The following NAV3 variants were observed in gnomAD, a reference collection of about 807,000 sequenced individuals.
The protein encoded by NAV3 is neuron navigator 3, also known as pore membrane and/or filament interacting like protein 1.
A neutral mutation model predicts 244.7 loss-of-function variants in NAV3; 87 were observed. That is an observed-to-expected ratio of 0.36 (90% CI 0.30 to 0.42). The LOEUF is 0.42. Ranked by LOEUF, NAV3 falls within the 20% of genes least tolerant of loss-of-function variation. NAV3 has a pLI of 1.00. For missense variants in NAV3, 2,663 were observed against 2,893.3 expected (o/e 0.92, Z 1.83); for synonymous variants, 1,126 against 1,042.2 (o/e 1.08, Z -1.55).
chr12:77,951,541 C>G (rs923413959), intron 3 of NAV3, among the ~76,000 whole-genome samples: 1 of 152,112 alleles, frequency 6.6e-6, no homozygotes, highest in Non-Finnish European at 1.5e-5. Context: ...ACTAGAAATA[C>G]CATTTGACCC....
intron 2 of NAV3, among the ~76,000 whole-genome samples, chr12:77,777,804 T>C (rs954390408): frequency 8.1e-6 from 1 of 123,802 alleles, no homozygotes; most frequent in African/African-American, 2.6e-5. Context: ...TTACTTTTTT[T>C]TTCTTTTTTC....
intron 1 of NAV3, among the ~76,000 whole-genome samples, chr12:77,876,588 G>C (rs1316047590): frequency 6.6e-6 from 1 of 152,058 alleles, no homozygotes; most frequent in Admixed American, 6.6e-5. Context: ...TAGATGTAAA[G>C]AGGAAGGTGC....
chr12:78,138,752 T>C (rs1313901854), intron 19 of NAV3, among the ~76,000 whole-genome samples: 1 of 152,208 alleles, frequency 6.6e-6, no homozygotes, highest in Non-Finnish European at 1.5e-5. Flanking sequence ...GTGATTTTTA[T>C]ATACTGGGAA....
chr12:77,634,298 C>T (rs1872057841), intron 2 of NAV3, among the ~76,000 whole-genome samples: 1 of 152,142 alleles, frequency 6.6e-6, no homozygotes, highest in African/African-American at 2.4e-5. Flanking sequence ...ATCATCCTCA[C>T]CAGCATTCAT....
At chr12:77,655,102 G>A (rs1873026903) in intron 2 of NAV3, among the ~76,000 whole-genome samples, 1 of 152,204 alleles carries the variant, frequency 6.6e-6, no homozygotes, top group Non-Finnish European at 1.5e-5. Context: ...GAACAAAGCT[G>A]GACGGAGAAT....
intron 24 of NAV3, among the ~76,000 whole-genome samples, chr12:78,170,547 C>T (rs1437424661): frequency 6.6e-6 from 1 of 151,656 alleles, no homozygotes; most frequent in Non-Finnish European, 1.5e-5. Flanking sequence ...CCATTCATTG[C>T]CTTTAGAATG....
At chr12:78,060,754 G>C (rs948145407) in intron 12 of NAV3, among the ~76,000 whole-genome samples, 2 of 152,166 alleles carry the variant, frequency 1.3e-5, no homozygotes, top group Non-Finnish European at 2.9e-5. Flanking sequence ...ACAGTGATAA[G>C]AGGGAAAGAA....
intron 2 of NAV3, among the ~76,000 whole-genome samples, chr12:77,679,296 G>A (rs534963496): frequency 6.6e-6 from 1 of 152,208 alleles, no homozygotes; most frequent in Non-Finnish European, 1.5e-5. Context: ...CGAAGGATAG[G>A]AAGACATTAT....
chr12:78,138,231 T>A (rs1257532345), intron 19 of NAV3, among the ~76,000 whole-genome samples: 1 of 152,160 alleles, frequency 6.6e-6, no homozygotes. Flanking sequence ...AGTTTAAGTC[T>A]TCAGCCATCC....
chr12:78,126,444 C>T (rs755591276), intron 16 of NAV3, among the ~76,000 whole-genome samples: 5 of 152,152 alleles, frequency 3.3e-5, no homozygotes, highest in Admixed American at 6.5e-5. Context: ...TGTTGATATC[C>T]TCTTCCTGTA....
rs548764763 is a variant in NAV3 at position 77,842,932 on chromosome 12, C to T, written c.243+11228C>T. ...TCAGCTTGGATCAAGTTAAATTGCT[C>T]ACTTTTTAGGCTTAAAAAATGTACA... On this transcript the variant is annotated intron_variant, in intron 1 of 39. Coordinates refer to ENST00000397909, the MANE Select transcript of NAV3 (RefSeq NM_001024383.2). Among the ~76,000 whole-genome samples, 16 of 152,230 alleles carry T rather than the reference C, an allele frequency of 1.1e-4. No individual in the cohort carries two copies. The South Asian group carries it at 3.3e-3, about 32-fold the overall frequency.
At chr12:77,609,697 A>G (rs1870827007) in intron 2 of NAV3, among the ~76,000 whole-genome samples, 1 of 151,550 alleles carries the variant, frequency 6.6e-6, no homozygotes, top group South Asian at 2.1e-4. Context: ...GGGAACCACT[A>G]GTTTATGCCA....
At chr12:78,071,185 C>T (rs1307619932) in intron 12 of NAV3, among the ~76,000 whole-genome samples, 1 of 152,130 alleles carries the variant, frequency 6.6e-6, no homozygotes, top group African/African-American at 2.4e-5. Flanking sequence ...TAAAAGTGTT[C>T]CTATTTCTCC....
intron 24 of NAV3, among the ~76,000 whole-genome samples, chr12:78,170,502 C>T (rs1221786714): frequency 1.3e-5 from 2 of 151,706 alleles, no homozygotes; most frequent in Non-Finnish European, 2.9e-5. Flanking sequence ...ACGCTGAAGC[C>T]AGAATAGTCA....
chr12:78,055,664 A>G (rs1469391181), intron 11 of NAV3, among the ~76,000 whole-genome samples: 3 of 152,220 alleles, frequency 2.0e-5, no homozygotes, highest in Non-Finnish European at 4.4e-5. Context: ...GATATTCAAC[A>G]GGCAAATGGC....
At chr12:77,736,035 G>GT (rs1180509155) in intron 2 of NAV3, among the ~76,000 whole-genome samples, 2 of 152,112 alleles carry the variant, frequency 1.3e-5, no homozygotes, top group African/African-American at 4.8e-5. Context: ...TTGTCTTTCA[G>GT]TGTATCTTTA....
chr12:77,618,532 A>G (rs1565739166), intron 2 of NAV3, among the ~76,000 whole-genome samples: 1 of 152,198 alleles, frequency 6.6e-6, no homozygotes, highest in African/African-American at 2.4e-5. Flanking sequence ...TTTAAAATAA[A>G]TGAGATATGT....
chr12:77,934,929 G>A (rs546835895), intron 1 of NAV3, among the ~76,000 whole-genome samples: 1 of 152,250 alleles, frequency 6.6e-6, no homozygotes, highest in Admixed American at 6.5e-5. Context: ...ACAGATTAGT[G>A]TGTTTTTATT....
intron 1 of NAV3, among the ~76,000 whole-genome samples, chr12:77,889,908 C>T (rs2136727264): frequency 6.6e-6 from 1 of 152,236 alleles, no homozygotes; most frequent in South Asian, 2.1e-4. Context: ...TAAGTTTGAA[C>T]TCTGTATAAG....
Sources: allele counts gnomAD v4.1 joint callset (sites outside exome capture counted in the v4.1 genomes callset), GRCh38; gene constraint gnomAD v4.1.1; transcripts MANE v1.5; gene names NCBI Gene and HGNC (gene_info 2026-07-23, HGNC 2026-07-21).